Variants in ALG12 observed in about 807,000 individuals in gnomAD.
The protein encoded by ALG12 is dol-P-Man:Man(7)GlcNAc(2)-PP-Dol alpha-1,6-mannosyltransferase.
A neutral mutation model predicts 46.0 loss-of-function variants in ALG12; 36 were observed. The ratio of observed to expected loss-of-function variants is 0.78; its 90% CI spans 0.60 to 1.03. ALG12 has a LOEUF of 1.03. Among genes scored for constraint, ALG12 ranks in the 50% least tolerant of loss-of-function variants. The pLI is 0.00. For missense variants in ALG12, 599 were observed against 633.5 expected (o/e 0.95, Z 0.58); for synonymous variants, 326 against 291.6 (o/e 1.12, Z -1.20).
At position 49,906,898 on chromosome 22, in the gene ALG12, G is replaced by T. The variant is rs1299598257; in HGVS notation, c.992+823C>A. 2.0e-5 allele frequency among the ~76,000 whole-genome samples: 3 copies of T among 152,068 alleles called. No homozygotes were observed. The highest frequency in any genetic ancestry group is 7.2e-5 in the African/African-American group (3 of 41,392). On this transcript the variant is annotated intron_variant, in intron 7 of 9. Coordinates refer to ENST00000330817, the MANE Select transcript of ALG12 (RefSeq NM_024105.4). The surrounding 1 kb of genome is among the most constrained non-coding windows in gnomAD (Gnocchi z 4.4). Reference sequence around the variant, plus strand: ...GGCCCGGCAGTGATGGACTCTCCTGGCTCCCTGAGGCTTGCAACACTGAGT... The same window carrying T: ...GGCCCGGCAGTGATGGACTCTCCTGTCTCCCTGAGGCTTGCAACACTGAGT...
chr22:49,870,171 G>A, the ALG12 span, among the ~76,000 whole-genome samples: 1 of 152,098 alleles, frequency 6.6e-6, no homozygotes, highest in Non-Finnish European at 1.5e-5. Context: ...CTTTTTTATG[G>A]CTGTATAATA....
chr22:49,877,896 T>C, the ALG12 span, among the ~76,000 whole-genome samples: 1 of 152,226 alleles, frequency 6.6e-6, no homozygotes, highest in Non-Finnish European at 1.5e-5. Flanking sequence ...GTGTTGCGTG[T>C]ATCCATTCAT....
At chr22:49,885,983 A>T in the ALG12 span, 1 of 699,628 alleles carries the variant, frequency 1.4e-6, no homozygotes, top group Non-Finnish European at 2.6e-6. Context: ...GACGTGTCGC[A>T]GGTGGACTGC....
intron 3 of ALG12, among the ~76,000 whole-genome samples, chr22:49,911,596 G>C (rs62233158): frequency 0.079 from 11,942 of 152,096 alleles, 582 homozygotes; most frequent in South Asian, 0.12. Flanking sequence ...CAACACGCCC[G>C]GCTAATTTTT....
the ALG12 span, among the ~76,000 whole-genome samples, chr22:49,863,422 A>G: frequency 6.6e-6 from 1 of 152,184 alleles, no homozygotes; most frequent in African/African-American, 2.4e-5. Flanking sequence ...AGGTCAAGAG[A>G]TTGATACCAT....
the ALG12 span, among the ~76,000 whole-genome samples, chr22:49,871,979 C>T: frequency 3.9e-5 from 6 of 152,034 alleles, no homozygotes; most frequent in African/African-American, 1.2e-4. Context: ...CTCTTCACCT[C>T]GTGATCCGCC....
At position 49,906,039 on chromosome 22, in the gene ALG12, G is replaced by A. The variant is rs1411841816; in HGVS notation, c.993-1533C>T. On this transcript the variant is annotated intron_variant, in intron 7 of 9. Transcript: ENST00000330817. The surrounding 1 kb of genome is among the most constrained non-coding windows in gnomAD (Gnocchi z 4.4). ...GCCTGCTCTTGCTCCCAGGGTGGCC[G>A]GGCTGAGGACCTGACTTCGGAGGGG... Among the ~76,000 whole-genome samples, 7 of 152,128 alleles carry A rather than the reference G, an allele frequency of 4.6e-5. No individual in the cohort carries two copies. In the East Asian group the frequency reaches 9.6e-4, roughly 21 times the overall value.
rs1180803827 is a variant in ALG12 at position 49,904,179 on chromosome 22, C to G, written c.1238G>C (p.Arg413Thr). Residue 413 changes from arginine (R) to threonine (T), a missense_variant and splice_region_variant, in exon 9 of 10, where the codon AGG becomes ACG. Transcript: ENST00000330817. ...GGGCCGTGCTGTGTGTGGATCCTAC[C>G]TCCAGGCGCTGTTGACTTGGAGAAA... The part of the protein sequence containing the change: ...SRFLQVNSAW[R>T]YDKREDVQPG... The G allele has an allele frequency of 1.2e-6, 2 of 1,614,236 alleles. No homozygotes were observed. Among genetic ancestry groups the G allele is most frequent in the Non-Finnish European group, 1.7e-6 (2 of 1,180,030 alleles).
At chr22:49,912,332 C>T (rs937675320) in intron 3 of ALG12, among the ~76,000 whole-genome samples, 1 of 152,228 alleles carries the variant, frequency 6.6e-6, no homozygotes, top group South Asian at 2.1e-4. Context: ...AGCTGGAGTC[C>T]ACCCAGCTCT....
chr22:49,873,741 C>T, the ALG12 span, among the ~76,000 whole-genome samples: 1 of 152,150 alleles, frequency 6.6e-6, no homozygotes, highest in African/African-American at 2.4e-5. Flanking sequence ...CACCCTGCAG[C>T]CCCAAGAAAG....
the ALG12 span, among the ~76,000 whole-genome samples, chr22:49,859,597 ATAGACG>A: frequency 6.6e-6 from 1 of 152,362 alleles, no homozygotes; most frequent in East Asian, 1.9e-4. Context: ...GGTCCAGGCC[ATAGACG>A]TAGTCATTGT....
the ALG12 span, chr22:49,889,462 GTTTT>G: frequency 7.2e-5 from 12 of 166,932 alleles, no homozygotes; most frequent in African/African-American, 1.9e-4. Context: ...CCTTTATGGG[GTTTT>G]TTTTGTTTGT....
the ALG12 span, among the ~76,000 whole-genome samples, chr22:49,871,050 C>T: frequency 6.6e-6 from 1 of 151,370 alleles, no homozygotes; most frequent in South Asian, 2.1e-4. Flanking sequence ...AAGCAATTCT[C>T]ATGCCTCAGC....
chr22:49,883,501 CT>C, the ALG12 span: 8 of 1,019,072 alleles, frequency 7.9e-6, no homozygotes, highest in East Asian at 1.3e-4. Context: ...GTCACAGATT[CT>C]TTTTTTCAGT....
chr22:49,907,633 AAC>A (rs1259359648), intron 7 of ALG12, 86 bp downstream of exon 7: 2 of 1,428,712 alleles, frequency 1.4e-6, no homozygotes, highest in Admixed American at 1.9e-5. Flanking sequence ...TCAAAAATTA[AAC>A]ACACACATAC....
Position 49,906,169 on chromosome 22 carries a change from C to T in ALG12, c.992+1552G>A, listed in dbSNP as rs937354250. Among the ~76,000 whole-genome samples, 3 of 152,186 alleles carry T rather than the reference C, an allele frequency of 2.0e-5. No homozygotes were observed. Among genetic ancestry groups the T allele is most frequent in the South Asian group, 2.1e-4 (1 of 4,836 alleles). Reference sequence around the variant, plus strand: ...GGCCCTTGCATGGAGCAGCCCCTCACGCCCAGCACACCAGGCCTCAAAGAC... The same window carrying T: ...GGCCCTTGCATGGAGCAGCCCCTCATGCCCAGCACACCAGGCCTCAAAGAC... On this transcript the variant is annotated intron_variant, in intron 7 of 9. Transcript: ENST00000330817. The surrounding 1 kb of genome is among the most constrained non-coding windows in gnomAD (Gnocchi z 4.4).
the ALG12 span, among the ~76,000 whole-genome samples, chr22:49,878,841 T>C: frequency 4.0e-5 from 6 of 151,418 alleles, no homozygotes; most frequent in East Asian, 5.9e-4. Flanking sequence ...CTACTAAAAA[T>C]AAAAAAAATG....
Position 49,903,022 on chromosome 22 carries a change from C to T in ALG12, c.*816G>A, listed in dbSNP as rs554306796. 3.2e-5 allele frequency: 11 copies of T among 347,818 alleles called. No homozygotes were observed. The highest frequency in any genetic ancestry group is 2.4e-4 in the East Asian group (3 of 12,476). The allele number at this position is 347,818 out of a possible 1,614,324, so 21.5% of individuals were successfully genotyped here. A position where few individuals can be genotyped will look rare whatever the true frequency, so the allele number is the denominator to read the frequency against. On this transcript the variant is annotated 3_prime_UTR_variant, in exon 10 of 10. Coordinates refer to ENST00000330817, the MANE Select transcript of ALG12 (RefSeq NM_024105.4). ...TGCATGTATGCATGGTGTGTGCATA[C>T]GTGTGCAGCAGCACCTGGTCCCATC...
At chr22:49,867,397 C>T in the ALG12 span, among the ~76,000 whole-genome samples, 3 of 152,176 alleles carry the variant, frequency 2.0e-5, no homozygotes, top group South Asian at 2.1e-4. Flanking sequence ...GGAGGCACTG[C>T]GGTGCATCCA....
Sources: gnomAD v4.1 joint callset for allele counts (sites outside exome capture counted in the v4.1 genomes callset) on GRCh38, gnomAD v4.1.1 for gene constraint, Gnocchi (gnomAD v3.1) non-coding constraint, MANE v1.5 for transcripts, NCBI Gene and HGNC (gene_info 2026-07-23, HGNC 2026-07-21) for gene names.